The following BUB1B variants were observed in gnomAD, a reference collection of about 807,000 sequenced individuals.
BUB1B encodes mitotic checkpoint serine/threonine-protein kinase BUB1 beta.
BUB1B carries 86 observed loss-of-function variants against 137.7 expected under a neutral mutation model. The ratio of observed to expected loss-of-function variants is 0.62; its 90% CI spans 0.52 to 0.75. The LOEUF (loss-of-function observed/expected upper bound fraction) is 0.75, where lower values mean the gene tolerates loss of function less well. Among genes scored for constraint, BUB1B ranks in the 30% least tolerant of loss-of-function variants. BUB1B has a pLI of 0.00. For synonymous variants in BUB1B, 420 were observed against 417.9 expected, an observed-to-expected ratio of 1.00 and a Z score of -0.06; for missense variants, 1,130 against 1,236.9, an observed-to-expected ratio of 0.91 and a Z score of 1.30.
intron 21 of BUB1B, among the ~76,000 whole-genome samples, chr15:40,218,250 A>G (rs2037828529): frequency 6.6e-6 from 1 of 152,226 alleles, no homozygotes; most frequent in Non-Finnish European, 1.5e-5. Flanking sequence ...TTTTGTTCTT[A>G]AGGATAATTC....
intron 14 of BUB1B, among the ~76,000 whole-genome samples, chr15:40,205,135 C>T (rs370594557): frequency 3.5e-4 from 53 of 151,918 alleles, no homozygotes; most frequent in African/African-American, 1.2e-3. Flanking sequence ...TTAGTAGGGA[C>T]GGGGTTTTGC....
chr15:40,201,964 C>T (rs374631531), intron 12 of BUB1B, among the ~76,000 whole-genome samples: 11 of 152,104 alleles, frequency 7.2e-5, no homozygotes, highest in East Asian at 1.9e-4. Flanking sequence ...CCACCACACC[C>T]GGCCAAAACA....
At chr15:40,186,730 C>T (rs541118043) in intron 8 of BUB1B, among the ~76,000 whole-genome samples, 1 of 151,744 alleles carries the variant, frequency 6.6e-6, no homozygotes, top group Non-Finnish European at 1.5e-5. Flanking sequence ...CAGGCGTGAG[C>T]CACTGCGCCC....
chr15:40,170,490 T>G (rs1282977180), intron 3 of BUB1B, 47 bp from the exon 4 acceptor site: 1 of 1,603,534 alleles, frequency 6.2e-7, no homozygotes, highest in Admixed American at 1.7e-5. Flanking sequence ...AGAACAAAAG[T>G]ACATGTTCAA....
At chr15:40,193,577 A>G (rs2037463156) in intron 8 of BUB1B, among the ~76,000 whole-genome samples, 1 of 144,832 alleles carries the variant, frequency 6.9e-6, no homozygotes, top group Non-Finnish European at 1.5e-5. Context: ...TTGGGACTAT[A>G]GGTGCATGAC....
intron 8 of BUB1B, among the ~76,000 whole-genome samples, chr15:40,192,058 T>C (rs2037445239): frequency 6.6e-6 from 1 of 152,206 alleles, no homozygotes; most frequent in African/African-American, 2.4e-5. Context: ...AGTGATTCTG[T>C]TGAATCTGTA....
At chr15:40,208,463 G>A (rs566201954) in intron 15 of BUB1B, among the ~76,000 whole-genome samples, 174 bp from the exon 16 acceptor site, 5 of 151,710 alleles carry the variant, frequency 3.3e-5, no homozygotes, top group South Asian at 2.1e-4. Flanking sequence ...ACTTGAACCC[G>A]GGAGGCAGAG....
chr15:40,182,284 T>C (rs2037304122), intron 5 of BUB1B, among the ~76,000 whole-genome samples: 1 of 152,256 alleles, frequency 6.6e-6, no homozygotes, highest in Non-Finnish European at 1.5e-5. Context: ...GTTTTTTCCT[T>C]TGAAAGTTGG....
At chr15:40,161,550 C>A (rs542146985) in intron 1 of BUB1B, among the ~76,000 whole-genome samples, 75 of 152,334 alleles carry the variant, frequency 4.9e-4, no homozygotes, top group African/African-American at 1.7e-3. Context: ...GCTCAGCCAC[C>A]TGCTAGTTGT....
At chr15:40,207,704 G>T (rs1028889774) in intron 15 of BUB1B, among the ~76,000 whole-genome samples, 1 of 151,942 alleles carries the variant, frequency 6.6e-6, no homozygotes, top group African/African-American at 2.4e-5. Context: ...TTTAGAGGAG[G>T]TTACCTAGAT....
intron 8 of BUB1B, among the ~76,000 whole-genome samples, chr15:40,190,991 G>T (rs542494461): frequency 9.2e-5 from 14 of 151,390 alleles, no homozygotes; most frequent in Non-Finnish European, 1.9e-4. Flanking sequence ...GGGTTCAACC[G>T]ATTCTTGTAC....
intron 8 of BUB1B, among the ~76,000 whole-genome samples, chr15:40,190,379 G>A (rs2037420923): frequency 6.6e-6 from 1 of 151,980 alleles, no homozygotes; most frequent in Admixed American, 6.6e-5. Flanking sequence ...TGGGAGGCTG[G>A]GGCAGGAGGA....
chr15:40,186,757 C>T (rs895183789), intron 8 of BUB1B, among the ~76,000 whole-genome samples: 2 of 151,880 alleles, frequency 1.3e-5, no homozygotes, highest in African/African-American at 2.4e-5. Flanking sequence ...AGTCCTAATA[C>T]TAGGTTGAAT....
At chr15:40,178,055 C>G (rs1302539704) in intron 5 of BUB1B, among the ~76,000 whole-genome samples, 1 of 138,788 alleles carries the variant, frequency 7.2e-6, no homozygotes, top group Non-Finnish European at 1.6e-5. Flanking sequence ...TTTTTTTTCT[C>G]TTAATGATTT....
intron 12 of BUB1B, 135 bp downstream of exon 12, chr15:40,201,115 A>G (rs2037563759): frequency 5.4e-6 from 4 of 743,128 alleles, no homozygotes; most frequent in East Asian, 2.8e-5. Flanking sequence ...TAGTATAAGC[A>G]TATGCTTTAT....
intron 14 of BUB1B, among the ~76,000 whole-genome samples, chr15:40,204,944 CTT>C (rs11333364): frequency 2.1e-3 from 200 of 94,762 alleles, no homozygotes; most frequent in Non-Finnish European, 2.7e-3. Context: ...CTGGCCAAAT[CTT>C]TTTTTTTTTT....
chr15:40,200,898 T>C, intron 11 of BUB1B, 33 bp from the exon 12 acceptor site: 2 of 1,603,804 alleles, frequency 1.2e-6, no homozygotes, highest in Non-Finnish European at 1.7e-6. Context: ...CTGTGGGTAT[T>C]GAGCACATGA....
Position 40,188,919 on chromosome 15 carries a change from C to G in BUB1B, c.1058+3277C>G, listed in dbSNP as rs553546749. ...TTTTCTTTTTTTTTCTAAACTTCAT[C>G]GAAATATAATTCCGTGGCTTTTAGT... On this transcript the variant is annotated intron_variant, in intron 8 of 22. Coordinates refer to ENST00000287598, the MANE Select transcript of BUB1B (RefSeq NM_001211.6). Among the ~76,000 whole-genome samples the G allele has an allele frequency of 2.0e-5, 3 of 151,750 alleles. No homozygotes were observed. In the East Asian group the frequency reaches 5.8e-4, roughly 29 times the overall value.
chr15:40,179,966 CCATATATATATAT>C (rs2037264691), intron 5 of BUB1B, among the ~76,000 whole-genome samples: 2 of 80,414 alleles, frequency 2.5e-5, no homozygotes, highest in East Asian at 2.3e-4. Context: ...CTTTCAAAAG[CCATATATATATAT>C]ATATATATAT....
Sources: gnomAD v4.1 joint callset for allele counts (sites outside exome capture counted in the v4.1 genomes callset) on GRCh38, gnomAD v4.1.1 for gene constraint, MANE v1.5 for transcripts, NCBI Gene and HGNC (gene_info 2026-07-23, HGNC 2026-07-21) for gene names.